The following AGBL1 variants were observed in gnomAD, a reference collection of about 807,000 sequenced individuals.
The protein encoded by AGBL1 is AGBL carboxypeptidase 1.
In AGBL1, 130 loss-of-function variants were observed where a neutral mutation model predicts 118.9. The ratio of observed to expected loss-of-function variants is 1.09; its 90% CI spans 0.95 to 1.26. The LOEUF (loss-of-function observed/expected upper bound fraction) is 1.26, where lower values mean the gene tolerates loss of function less well. Among genes scored for constraint, AGBL1 ranks in the 50% most tolerant of loss-of-function variants. The pLI is 0.00. For missense variants in AGBL1, 1,584 were observed against 1,298.1 expected (o/e 1.22, Z -3.38); for synonymous variants, 555 against 478.9 (o/e 1.16, Z -2.08).
intron 3 of AGBL1, among the ~76,000 whole-genome samples, chr15:86,145,473 T>C (rs988367159): frequency 3.3e-5 from 5 of 152,206 alleles, no homozygotes; most frequent in African/African-American, 7.2e-5. Context: ...AATTGTGTGC[T>C]GAGTCTTATA....
intron 4 of AGBL1, among the ~76,000 whole-genome samples, chr15:86,157,582 C>T (rs2077209376): frequency 6.6e-6 from 1 of 152,154 alleles, no homozygotes; most frequent in South Asian, 2.1e-4. Flanking sequence ...TGTACCAACT[C>T]ACTGTTCCAT....
chr15:86,247,134 T>C (rs557495879), intron 6 of AGBL1, among the ~76,000 whole-genome samples: 3 of 152,370 alleles, frequency 2.0e-5, no homozygotes, highest in Non-Finnish European at 4.4e-5. Flanking sequence ...GTATAACTAT[T>C]AGATCTACAG....
intron 17 of AGBL1, among the ~76,000 whole-genome samples, chr15:86,336,093 C>T (rs2080363622): frequency 6.6e-6 from 1 of 152,146 alleles, no homozygotes; most frequent in Admixed American, 6.5e-5. Flanking sequence ...TGGAGAAATC[C>T]AGAATTCGAA....
intron 24 of AGBL1, among the ~76,000 whole-genome samples, chr15:87,027,869 C>A (rs961438375): frequency 3.5e-4 from 53 of 151,858 alleles, no homozygotes; most frequent in African/African-American, 1.2e-3. Context: ...ACAACACACA[C>A]TGGGGCCTCT....
chr15:86,777,857 G>T (rs2078280795), intron 22 of AGBL1, among the ~76,000 whole-genome samples: 1 of 152,040 alleles, frequency 6.6e-6, no homozygotes, highest in Non-Finnish European at 1.5e-5. Flanking sequence ...TTACAGAGGG[G>T]TCATAATCAA....
At chr15:86,973,422 T>A (rs2081131184) in intron 23 of AGBL1, among the ~76,000 whole-genome samples, 1 of 151,992 alleles carries the variant, frequency 6.6e-6, no homozygotes, top group Non-Finnish European at 1.5e-5. Context: ...ATAGTAGCAA[T>A]TTCAATTGAC....
chr15:86,223,329 A>G (rs575624559), intron 5 of AGBL1, among the ~76,000 whole-genome samples: 34 of 152,226 alleles, frequency 2.2e-4, no homozygotes, highest in African/African-American at 7.7e-4. Flanking sequence ...TCCTTATTCT[A>G]TTCCTGTTTC....
chr15:86,850,861 G>C (rs2347247), intron 22 of AGBL1, among the ~76,000 whole-genome samples: 18,529 of 152,090 alleles, frequency 0.12, 1,446 homozygotes, highest in Non-Finnish European at 0.17. Flanking sequence ...TTTCCTTCTG[G>C]TCAACATTGA....
At chr15:87,006,079 C>A (rs116421292) in intron 24 of AGBL1, among the ~76,000 whole-genome samples, 1 of 152,162 alleles carries the variant, frequency 6.6e-6, no homozygotes, top group Non-Finnish European at 1.5e-5. Flanking sequence ...GAGTACCCAG[C>A]CGTTTGAGGT....
chr15:86,432,887 C>G (rs1004837733), intron 18 of AGBL1, among the ~76,000 whole-genome samples: 2 of 152,200 alleles, frequency 1.3e-5, no homozygotes, highest in Non-Finnish European at 2.9e-5. Context: ...AGCACAGGGG[C>G]AGGTTGCACT....
chr15:86,436,391 G>GA (rs146517853), intron 18 of AGBL1, among the ~76,000 whole-genome samples: 6,598 of 151,940 alleles, frequency 0.043, 234 homozygotes, highest in East Asian at 0.15. Flanking sequence ...TTAAGCTAAG[G>GA]AAAAAAATAG....
chr15:86,639,158 T>C (rs914063897), intron 21 of AGBL1, among the ~76,000 whole-genome samples: 1 of 152,184 alleles, frequency 6.6e-6, no homozygotes. Context: ...CTGTATTCTA[T>C]TGGTTAGAAG....
chr15:86,824,697 T>C (rs112520369), intron 22 of AGBL1, among the ~76,000 whole-genome samples: 4 of 152,114 alleles, frequency 2.6e-5, no homozygotes, highest in African/African-American at 7.2e-5. Context: ...TTTATAGCTA[T>C]AGTAATCAAG....
intron 6 of AGBL1, 119 bp downstream of exon 6, chr15:86,225,070 C>A: frequency 2.0e-6 from 2 of 991,316 alleles, no homozygotes; most frequent in South Asian, 1.5e-5. Context: ...ATTTCTCAAT[C>A]ACCTATGGCT....
At chr15:86,150,435 A>G (rs562333742) in intron 3 of AGBL1, among the ~76,000 whole-genome samples, 1 of 152,228 alleles carries the variant, frequency 6.6e-6, no homozygotes, top group African/African-American at 2.4e-5. Context: ...AAAGTGATAA[A>G]GGGGATATCA....
intron 19 of AGBL1, among the ~76,000 whole-genome samples, chr15:86,537,295 T>C (rs2083439758): frequency 1.3e-5 from 2 of 152,176 alleles, no homozygotes; most frequent in Admixed American, 6.5e-5. Context: ...TCTGCTCTGA[T>C]TGGGCTTGGT....
intron 5 of AGBL1, among the ~76,000 whole-genome samples, chr15:86,206,596 G>A (rs935641301): frequency 6.6e-6 from 1 of 152,144 alleles, no homozygotes; most frequent in Non-Finnish European, 1.5e-5. Flanking sequence ...GTGTCTTTTG[G>A]CTGCATAAAT....
At chr15:86,349,022 C>T (rs2080584152) in intron 17 of AGBL1, among the ~76,000 whole-genome samples, 1 of 152,110 alleles carries the variant, frequency 6.6e-6, no homozygotes, top group Admixed American at 6.5e-5. Flanking sequence ...GACATGGAGA[C>T]ACAGACATAG....
chr15:86,231,534 G>C (rs1183333887), intron 6 of AGBL1, among the ~76,000 whole-genome samples: 1 of 152,206 alleles, frequency 6.6e-6, no homozygotes, highest in Non-Finnish European at 1.5e-5. Flanking sequence ...GAGTGTGCAG[G>C]AATGCAGCAT....
Sources: gnomAD v4.1 joint callset for allele counts (sites outside exome capture counted in the v4.1 genomes callset) on GRCh38, gnomAD v4.1.1 for gene constraint, MANE v1.5 for transcripts, NCBI Gene and HGNC (gene_info 2026-07-23, HGNC 2026-07-21) for gene names.